The following MAPKAPK5 variants were observed in gnomAD, a reference collection of about 807,000 sequenced individuals.
The protein encoded by MAPKAPK5 is MAPK activated protein kinase 5, also known as MAP kinase-activated protein kinase 5.
MAPKAPK5 carries 30 observed loss-of-function variants against 65.1 expected under a neutral mutation model. The ratio of observed to expected loss-of-function variants is 0.46; its 90% CI spans 0.34 to 0.63. The LOEUF is 0.63. MAPKAPK5 is among the 20% of genes least tolerant of loss of function. MAPKAPK5 has a pLI of 0.01. For missense variants in MAPKAPK5, 433 were observed against 581.4 expected (o/e 0.74, Z 2.63); for synonymous variants, 179 against 204.6 (o/e 0.87, Z 1.07).
At chr12:111,886,131 A>G in intron 10 of MAPKAPK5, 95 bp downstream of exon 10, 2 of 1,543,624 alleles carry the variant, frequency 1.3e-6, no homozygotes, top group African/African-American at 1.4e-5. Context: ...AAAACAGTGC[A>G]GAGTACACGA....
At chr12:111,859,462 A>T (rs2069356178) in intron 1 of MAPKAPK5, among the ~76,000 whole-genome samples, 1 of 151,630 alleles carries the variant, frequency 6.6e-6, no homozygotes, top group Admixed American at 6.6e-5. Flanking sequence ...TATTCTCAGT[A>T]GAGATGGGGT....
At chr12:111,878,652 C>G (rs2070082515) in intron 7 of MAPKAPK5, among the ~76,000 whole-genome samples, 1 of 152,098 alleles carries the variant, frequency 6.6e-6, no homozygotes, top group African/African-American at 2.4e-5. Context: ...ATCTCCTGAC[C>G]TCGTGATCCT....
chr12:111,857,890 TG>T lies in MAPKAPK5; in HGVS notation c.37-7359del, dbSNP rs781720982. On this transcript the variant is annotated intron_variant, in intron 1 of 13. Coordinates refer to ENST00000550735, the MANE Select transcript of MAPKAPK5 (RefSeq NM_003668.4). Reference sequence around the variant, plus strand: ...CTCTTTCTCTTTCAGTGTTTTTTTTTGTGTGTGTGTGTTTGTGTGTGTGTGT... The same window carrying T: ...CTCTTTCTCTTTCAGTGTTTTTTTTTTGTGTGTGTGTTTGTGTGTGTGTGT... Among the ~76,000 whole-genome samples the T allele has an allele frequency of 1.2e-4, 18 of 151,240 alleles. No homozygotes were observed. The East Asian group carries it at 1.8e-3, about 15-fold the overall frequency.
chr12:111,852,906 T>G (rs1593126016), intron 1 of MAPKAPK5, among the ~76,000 whole-genome samples: 1 of 152,206 alleles, frequency 6.6e-6, no homozygotes, highest in East Asian at 1.9e-4. Flanking sequence ...CCTGAGTAGC[T>G]GGGATTACAG....
At chr12:111,889,323 T>C (rs929545535) in intron 12 of MAPKAPK5, 2 of 260,500 alleles carry the variant, frequency 7.7e-6, no homozygotes, top group Non-Finnish European at 1.5e-5. Flanking sequence ...GGTTGGGGGA[T>C]GGAGAATGGA....
Position 111,842,517 on chromosome 12 carries a change from C to G in MAPKAPK5, c.-217C>G, listed in dbSNP as rs1384178634. The stretch of plus-strand genomic sequence containing the variant: ...AGCACAAAGACCTGTCCCCAGGGGC[C>G]GCCGCCTCCGCCGCTGCTGCTGCCG... On this transcript the variant is annotated 5_prime_UTR_variant, in exon 1 of 14. Transcript: ENST00000550735. 2.8e-6 allele frequency: 1 copy of G among 353,936 alleles called. No homozygotes were observed. The highest frequency in any genetic ancestry group is 5.1e-6 in the Non-Finnish European group (1 of 194,562). 21.9% of individuals were successfully genotyped at this position (353,936 alleles called of 1,614,324 possible). A position where few individuals can be genotyped will look rare whatever the true frequency, so the allele number is the denominator to read the frequency against.
intron 3 of MAPKAPK5, among the ~76,000 whole-genome samples, chr12:111,867,101 G>A (rs1248909664): frequency 6.6e-6 from 1 of 151,618 alleles, no homozygotes; most frequent in African/African-American, 2.4e-5. Flanking sequence ...GGCTAATTTT[G>A]TTTGTATTTT....
chr12:111,886,025 A>AT lies in MAPKAPK5; in HGVS notation c.959dup (p.Met320IlefsTer61). 6.2e-7 allele frequency: 1 copy of AT among 1,613,926 alleles called. No individual in the cohort carries two copies. The highest frequency in any genetic ancestry group is 8.5e-7 in the Non-Finnish European group (1 of 1,179,874). ...TAATGTGCTGCCTTCTGCTCAGCTG[A>AT]TGATGGACAAGGTTTTGAATGATGT... On this transcript the variant is annotated frameshift_variant, in exon 10 of 14. Transcript: ENST00000550735. LOFTEE classifies it high-confidence loss of function.
At chr12:111,884,542 G>A (rs981425026) in intron 9 of MAPKAPK5, among the ~76,000 whole-genome samples, 1 of 152,204 alleles carries the variant, frequency 6.6e-6, no homozygotes. Context: ...GGAAGATTTA[G>A]TCAGAATTAG....
intron 8 of MAPKAPK5, among the ~76,000 whole-genome samples, chr12:111,881,231 A>G (rs1189017743): frequency 1.3e-5 from 2 of 151,204 alleles, no homozygotes; most frequent in Non-Finnish European, 2.9e-5. Context: ...ATGCCACCAC[A>G]CTCAGCTAAT....
chr12:111,855,811 G>T (rs1219670736), intron 1 of MAPKAPK5, among the ~76,000 whole-genome samples: 1 of 150,780 alleles, frequency 6.6e-6, no homozygotes, highest in African/African-American at 2.4e-5. Flanking sequence ...TGGTGACAAA[G>T]TGAGACTCCA....
chr12:111,883,550 T>G lies in MAPKAPK5; in HGVS notation c.661-31T>G. On this transcript the variant is annotated intron_variant, in intron 8 of 13. Coordinates refer to ENST00000550735, the MANE Select transcript of MAPKAPK5 (RefSeq NM_003668.4). The surrounding 1 kb of genome is among the most constrained non-coding windows in gnomAD (Gnocchi z 4.8). Reference sequence around the variant, plus strand: ...GTTTATTTGGGGGCTCTGCTTCTGCTGTGAGTGACCATTTTCTTTTTTGCT... The same window carrying G: ...GTTTATTTGGGGGCTCTGCTTCTGCGGTGAGTGACCATTTTCTTTTTTGCT... 1 of 1,603,990 alleles carries G rather than the reference T, an allele frequency of 6.2e-7. No individual in the cohort carries two copies.
chr12:111,889,028 C>G, intron 12 of MAPKAPK5, 28 bp downstream of exon 12: 2 of 1,553,890 alleles, frequency 1.3e-6, no homozygotes, highest in Non-Finnish European at 1.7e-6. Flanking sequence ...TACTAATCCT[C>G]TGTGTGTCTG....
Position 111,895,062 on chromosome 12 carries a change from G to A in MAPKAPK5, c.*2001G>A, listed in dbSNP as rs541368986. 1 of 145,208 alleles carries A rather than the reference G, an allele frequency of 6.9e-6. No individual in the cohort carries two copies. The highest frequency in any genetic ancestry group is 1.5e-5 in the Non-Finnish European group (1 of 65,970). The allele number at this position is 145,208 out of a possible 1,614,324, so 9.0% of individuals were successfully genotyped here. On this transcript the variant is annotated 3_prime_UTR_variant, in exon 14 of 14. Transcript: ENST00000550735. The stretch of plus-strand genomic sequence containing the variant: ...TGGGAATAGATGATAAAAAACAAGT[G>A]TCTTAAGAATTACCTTATTACATTG...
At chr12:111,847,341 C>CTG (rs145942514) in intron 1 of MAPKAPK5, among the ~76,000 whole-genome samples, 26,981 of 143,688 alleles carry the variant, frequency 0.19, 2,776 homozygotes, top group Middle Eastern at 0.28. Context: ...GGGTGAGACT[C>CTG]TGCAAAAAAA....
At position 111,900,538 on chromosome 12, in the gene MAPKAPK5, C is replaced by G. The variant is rs1199632679; in HGVS notation, c.*7477C>G. ...AAAGGGGCCTGCCTATTTAACAAGC[C>G]ACGGCCCAGGGGCCGCAAGCGTAGG... On this transcript the variant is annotated 3_prime_UTR_variant, in exon 14 of 14. Coordinates refer to ENST00000550735, the MANE Select transcript of MAPKAPK5 (RefSeq NM_003668.4). The G allele has an allele frequency of 2.2e-6, 1 of 456,008 alleles. No homozygotes were observed. Among genetic ancestry groups the G allele is most frequent in the Non-Finnish European group, 4.4e-6 (1 of 226,822 alleles). 28.2% of individuals were successfully genotyped at this position (456,008 alleles called of 1,614,324 possible).
At chr12:111,871,297 C>A in intron 7 of MAPKAPK5, 117 bp downstream of exon 7, 1 of 746,552 alleles carries the variant, frequency 1.3e-6, no homozygotes. Flanking sequence ...GAGAACTTAG[C>A]TTTAGAAACC....
At chr12:111,866,124 ATC>A (rs1199843876) in intron 2 of MAPKAPK5, 30 bp from the exon 3 acceptor site, 1 of 1,485,772 alleles carries the variant, frequency 6.7e-7, no homozygotes, top group Non-Finnish European at 9.2e-7. Flanking sequence ...AACATATATG[ATC>A]TCTGATTGAT....
chr12:111,898,395 C>G lies in MAPKAPK5; in HGVS notation c.*5334C>G, dbSNP rs2070892917. On this transcript the variant is annotated 3_prime_UTR_variant, in exon 14 of 14. Coordinates refer to ENST00000550735, the MANE Select transcript of MAPKAPK5 (RefSeq NM_003668.4). ...TGCTGGCCAGGCTGGTCTCGAACTC[C>G]CGACCTCAGGTGATCCGCCTGCCTC... The G allele has an allele frequency of 6.6e-6, 1 of 152,128 alleles. No homozygotes were observed. 9.4% of individuals were successfully genotyped at this position (152,128 alleles called of 1,614,324 possible).
Sources: gnomAD v4.1 joint callset for allele counts (sites outside exome capture counted in the v4.1 genomes callset) on GRCh38, gnomAD v4.1.1 for gene constraint, Gnocchi (gnomAD v3.1) non-coding constraint, MANE v1.5 for transcripts, NCBI Gene and HGNC (gene_info 2026-07-23, HGNC 2026-07-21) for gene names.